TIMD4: variants seen among roughly 807,000 people sequenced by gnomAD.
TIMD4 encodes the protein T cell immunoglobulin and mucin domain containing 4.
TIMD4 carries 31 observed loss-of-function variants against 41.2 expected under a neutral mutation model. That is an observed-to-expected ratio of 0.75 (90% CI 0.57 to 1.01). The LOEUF (loss-of-function observed/expected upper bound fraction) is 1.01, where lower values mean the gene tolerates loss of function less well. TIMD4 is among the 50% of genes least tolerant of loss of function. The pLI, the probability that TIMD4 is intolerant of heterozygous loss-of-function variation, is 0.00. For missense variants in TIMD4, 479 were observed against 472.5 expected (o/e 1.01, Z -0.13); for synonymous variants, 204 against 177.1 (o/e 1.15, Z -1.21).
At chr5:156,926,147 G>T (rs1759343826) in intron 6 of TIMD4, 116 bp downstream of exon 6, 11 of 991,596 alleles carry the variant, frequency 1.1e-5, no homozygotes, top group Non-Finnish European at 1.2e-5. Context: ...CAAGTGATCT[G>T]CCCACCTTGG....
intron 2 of TIMD4, 81 bp downstream of exon 2, chr5:156,954,334 T>C: frequency 1.5e-6 from 2 of 1,371,304 alleles, no homozygotes; most frequent in Non-Finnish European, 2.0e-6. Context: ...CTCTAACCTC[T>C]TCACCACCAT....
At chr5:156,932,341 C>T (rs943185893) in intron 5 of TIMD4, among the ~76,000 whole-genome samples, 1 of 152,146 alleles carries the variant, frequency 6.6e-6, no homozygotes, top group South Asian at 2.1e-4. Flanking sequence ...CCTGAAGCAG[C>T]GTCAAAGCGA....
At chr5:156,961,280 T>A (rs1328900013) in intron 1 of TIMD4, among the ~76,000 whole-genome samples, 3 of 152,310 alleles carry the variant, frequency 2.0e-5, no homozygotes, top group South Asian at 4.1e-4. Context: ...ACGCTGTTGG[T>A]GGGAATGTAA....
chr5:156,925,370 A>T (rs1285943170), intron 6 of TIMD4, among the ~76,000 whole-genome samples: 1 of 152,202 alleles, frequency 6.6e-6, no homozygotes, highest in Non-Finnish European at 1.5e-5. Context: ...GGGCTATGCC[A>T]TCTCCATTGA....
At chr5:156,960,854 G>A (rs533213527) in intron 1 of TIMD4, among the ~76,000 whole-genome samples, 1 of 152,364 alleles carries the variant, frequency 6.6e-6, no homozygotes, top group South Asian at 2.1e-4. Flanking sequence ...TTGCTATAGA[G>A]TGACAAGTTT....
At chr5:156,940,411 C>T (rs1759621542) in intron 5 of TIMD4, among the ~76,000 whole-genome samples, 1 of 152,128 alleles carries the variant, frequency 6.6e-6, no homozygotes, top group African/African-American at 2.4e-5. Context: ...CTCTGCCTGG[C>T]CGCCCATCGT....
chr5:156,945,625 T>G (rs1335943888), intron 5 of TIMD4, among the ~76,000 whole-genome samples: 1 of 151,954 alleles, frequency 6.6e-6, no homozygotes, highest in Non-Finnish European at 1.5e-5. Context: ...AAGTAGGGAG[T>G]GAAAGAATTT....
intron 5 of TIMD4, among the ~76,000 whole-genome samples, chr5:156,928,760 T>C (rs1759394731): frequency 6.6e-6 from 1 of 152,214 alleles, no homozygotes; most frequent in Non-Finnish European, 1.5e-5. Context: ...CATGTTTTCA[T>C]ATCCTAGAAC....
intron 1 of TIMD4, among the ~76,000 whole-genome samples, chr5:156,962,800 A>T (rs2113405654): frequency 6.6e-6 from 1 of 152,266 alleles, no homozygotes; most frequent in South Asian, 2.1e-4. Context: ...CACCAGAACA[A>T]ATTCTCCTGG....
chr5:156,954,379 C>T, intron 2 of TIMD4, 36 bp downstream of exon 2: 1 of 1,581,020 alleles, frequency 6.3e-7, no homozygotes, highest in Non-Finnish European at 8.6e-7. Context: ...CACTGAATCT[C>T]TCCTTCCGCA....
intron 1 of TIMD4, among the ~76,000 whole-genome samples, chr5:156,961,841 GAA>G (rs58076212): frequency 1.3e-5 from 1 of 79,542 alleles, no homozygotes; most frequent in South Asian, 4.2e-4. Flanking sequence ...AAAAAAGAAA[GAA>G]AAAAAAAAAG....
Position 156,920,482 on chromosome 5 carries a change from C to T in TIMD4, c.1034G>A (p.Cys345Tyr). ...AGATTACCTTGTGTGTTTCTGCGAA[C>T]AATAGGTTTCCATGAGTTTCCCTGA... ...LLRGKLMETY[C>Y]SQKHTRLDYI... The change falls in exon 8 of 9, where the codon TGT (cysteine) becomes TAT (tyrosine). Residue 345 changes from cysteine to tyrosine, a missense_variant. Physicochemically the swap from Cys to Tyr is radical, Grantham distance 194. Transcript: ENST00000274532. 6.2e-7 allele frequency: 1 copy of T among 1,614,070 alleles called. No individual in the cohort carries two copies. Among genetic ancestry groups the T allele is most frequent in the Non-Finnish European group, 8.5e-7 (1 of 1,179,942 alleles).
At chr5:156,958,248 G>A (rs771683896) in intron 1 of TIMD4, among the ~76,000 whole-genome samples, 5 of 151,396 alleles carry the variant, frequency 3.3e-5, no homozygotes, top group African/African-American at 7.3e-5. Context: ...CTCCAGCCTC[G>A]GCAGGGTGAG....
intron 1 of TIMD4, among the ~76,000 whole-genome samples, chr5:156,962,715 C>G (rs1483853977): frequency 6.6e-6 from 1 of 152,070 alleles, no homozygotes; most frequent in African/African-American, 2.4e-5. Context: ...TTACATAAAG[C>G]CTCACCCCAG....
chr5:156,924,374 G>A (rs1759308080), intron 6 of TIMD4: 2 of 384,650 alleles, frequency 5.2e-6, no homozygotes, highest in Non-Finnish European at 1.0e-5. Flanking sequence ...CCTAAATGAA[G>A]CCAAAGATGT....
chr5:156,954,739 T>C lies in TIMD4; in HGVS notation c.76A>G (p.Thr26Ala). 1 of 1,610,090 alleles carries C rather than the reference T, an allele frequency of 6.2e-7. No homozygotes were observed. The change falls in exon 2 of 9, where the codon ACT becomes GCT. Residue 26 changes from threonine (T) to alanine (A), a missense_variant. Thr to Ala is a moderately conservative substitution (Grantham distance 58). Transcript: ENST00000274532. ...TGACCCAAAACCTCCGTCACAACAGTCTCTGAAGTGACTGGTGCTGCAAGG... is the reference window on the plus strand; with the variant it reads ...TGACCCAAAACCTCCGTCACAACAGCCTCTGAAGTGACTGGTGCTGCAAGG... ...WLYLTPVTSETVVTEVLGHRV... is the reference protein window; with the variant it reads ...WLYLTPVTSEAVVTEVLGHRV...
At chr5:156,949,043 C>T (rs552869181) in intron 4 of TIMD4, among the ~76,000 whole-genome samples, 1 of 152,086 alleles carries the variant, frequency 6.6e-6, no homozygotes, top group Admixed American at 6.6e-5. Flanking sequence ...GGGCAGGGAC[C>T]CCCAGCAAAA....
chr5:156,954,866 C>A, intron 1 of TIMD4, 110 bp from the exon 2 acceptor site: 5 of 926,800 alleles, frequency 5.4e-6, no homozygotes, highest in African/African-American at 1.7e-5. Flanking sequence ...AAGCTGTAGT[C>A]TATGTTTCTT....
chr5:156,924,138 G>A, intron 6 of TIMD4: 1 of 347,578 alleles, frequency 2.9e-6, no homozygotes, highest in Admixed American at 3.9e-5. Flanking sequence ...GTGGTTTAGA[G>A]GTCCATGGGG....
Sources: gnomAD v4.1 joint callset for allele counts (sites outside exome capture counted in the v4.1 genomes callset) on GRCh38, gnomAD v4.1.1 for gene constraint, MANE v1.5 for transcripts, NCBI Gene and HGNC (gene_info 2026-07-23, HGNC 2026-07-21) for gene names.